The following STXBP6 variants were observed in gnomAD, a reference collection of about 807,000 sequenced individuals.
STXBP6 encodes the protein syntaxin binding protein 6.
A neutral mutation model predicts 26.9 loss-of-function variants in STXBP6; 21 were observed. The ratio of observed to expected loss-of-function variants is 0.78; its 90% CI spans 0.55 to 1.12. The LOEUF is 1.12. STXBP6 is among the 50% of genes most tolerant of loss of function. STXBP6 has a pLI of 0.00. For missense variants in STXBP6, 232 were observed against 257.9 expected (o/e 0.90, Z 0.69); for synonymous variants, 97 against 92.6 (o/e 1.05, Z -0.27).
At chr14:24,995,349 G>A (rs751104765) in intron 1 of STXBP6, among the ~76,000 whole-genome samples, 6 of 152,124 alleles carry the variant, frequency 3.9e-5, no homozygotes, top group Non-Finnish European at 7.3e-5. Flanking sequence ...ACGAATTTTG[G>A]GGGCATATTC....
At chr14:24,938,175 C>T (rs2072670672) in intron 2 of STXBP6, among the ~76,000 whole-genome samples, 1 of 152,160 alleles carries the variant, frequency 6.6e-6, no homozygotes, top group African/African-American at 2.4e-5. Context: ...TGGGCCCTGG[C>T]ACTCCCACCA....
At chr14:24,928,459 T>A (rs2072262686) in intron 2 of STXBP6, among the ~76,000 whole-genome samples, 1 of 152,176 alleles carries the variant, frequency 6.6e-6, no homozygotes, top group Non-Finnish European at 1.5e-5. Context: ...ATTTAGAATT[T>A]TAATAGTGTC....
chr14:24,998,709 T>A (rs2074671502), intron 1 of STXBP6, among the ~76,000 whole-genome samples: 1 of 152,338 alleles, frequency 6.6e-6, no homozygotes, highest in Middle Eastern at 3.4e-3. Context: ...ACTGAAGATG[T>A]AAGTGTTACT....
At chr14:24,882,969 A>G (rs2035930452) in intron 2 of STXBP6, among the ~76,000 whole-genome samples, 1 of 152,232 alleles carries the variant, frequency 6.6e-6, no homozygotes, top group African/African-American at 2.4e-5. Context: ...TTAGGTCATG[A>G]CATTGTTTAT....
At position 24,933,747 on chromosome 14, in the gene STXBP6, T is replaced by C. The variant is rs531029496; in HGVS notation, c.154+40918A>G. ...GAATATTATAGAACACACGCTCCTATAAAAATGCTTTATAGATTTAGCAGT... is the reference window on the plus strand; with the variant it reads ...GAATATTATAGAACACACGCTCCTACAAAAATGCTTTATAGATTTAGCAGT... On this transcript the variant is annotated intron_variant, in intron 2 of 5. Transcript: ENST00000323944. Among the ~76,000 whole-genome samples, 20 of 152,278 alleles carry C rather than the reference T, an allele frequency of 1.3e-4. No homozygotes were observed. The South Asian group carries it at 4.1e-3, about 32-fold the overall frequency.
intron 5 of STXBP6, chr14:24,818,065 T>C: frequency 2.2e-6 from 1 of 456,680 alleles, no homozygotes; most frequent in South Asian, 1.5e-5. Context: ...TCAGCAGAAG[T>C]GGTGTTTCTG....
chr14:24,988,349 A>G (rs2074384762), intron 1 of STXBP6, among the ~76,000 whole-genome samples: 1 of 152,190 alleles, frequency 6.6e-6, no homozygotes, highest in South Asian at 2.1e-4. Flanking sequence ...TTTCAGATAT[A>G]TTCAAAGAAA....
chr14:24,886,557 C>A (rs929364123), intron 2 of STXBP6, among the ~76,000 whole-genome samples: 1 of 135,670 alleles, frequency 7.4e-6, no homozygotes, highest in African/African-American at 2.5e-5. Context: ...ATGACATGTT[C>A]TTGTTATTTT....
chr14:25,043,689 C>G (rs955484598), intron 1 of STXBP6, among the ~76,000 whole-genome samples: 3 of 152,198 alleles, frequency 2.0e-5, no homozygotes, highest in Non-Finnish European at 2.9e-5. Context: ...ATAATGGAAT[C>G]ATGTAAATAC....
chr14:24,959,433 A>C (rs114492522), intron 2 of STXBP6, among the ~76,000 whole-genome samples: 3 of 152,204 alleles, frequency 2.0e-5, no homozygotes, highest in African/African-American at 7.2e-5. Flanking sequence ...TCTCTCCTTC[A>C]GACCATTTCA....
At chr14:25,029,222 T>G (rs2140457994) in intron 1 of STXBP6, among the ~76,000 whole-genome samples, 1 of 152,224 alleles carries the variant, frequency 6.6e-6, no homozygotes, top group South Asian at 2.1e-4. Context: ...CAGGGAAATC[T>G]TACACGGAAG....
chr14:25,033,328 A>T (rs934387527), intron 1 of STXBP6, among the ~76,000 whole-genome samples: 3 of 152,124 alleles, frequency 2.0e-5, no homozygotes, highest in Non-Finnish European at 4.4e-5. Context: ...CCCTGGTCAG[A>T]CTATCATCAT....
intron 2 of STXBP6, among the ~76,000 whole-genome samples, chr14:24,918,719 T>C (rs1027139725): frequency 5.9e-5 from 9 of 152,060 alleles, no homozygotes; most frequent in African/African-American, 2.2e-4. Context: ...GTTTAACCAG[T>C]GGCTGGTACA....
chr14:24,826,236 T>C (rs1401820285), intron 4 of STXBP6, among the ~76,000 whole-genome samples: 1 of 152,194 alleles, frequency 6.6e-6, no homozygotes, highest in African/African-American at 2.4e-5. Flanking sequence ...ACCAGCTGTG[T>C]GACCTGAACA....
chr14:24,963,322 T>C (rs1307558751), intron 2 of STXBP6, among the ~76,000 whole-genome samples: 1 of 152,162 alleles, frequency 6.6e-6, no homozygotes, highest in Admixed American at 6.5e-5. Flanking sequence ...GATGAAAACT[T>C]GGATCTCAAG....
At chr14:24,971,135 G>A (rs1307022661) in intron 2 of STXBP6, among the ~76,000 whole-genome samples, 2 of 151,886 alleles carry the variant, frequency 1.3e-5, no homozygotes, top group Non-Finnish European at 2.9e-5. Flanking sequence ...CACCTTTTTC[G>A]GATACCTCCA....
intron 1 of STXBP6, among the ~76,000 whole-genome samples, chr14:25,009,162 C>T (rs1426190979): frequency 9.9e-5 from 15 of 152,098 alleles, no homozygotes; most frequent in Non-Finnish European, 4.4e-5. Flanking sequence ...ATTCAACTAT[C>T]GAACTGTATT....
intron 2 of STXBP6, among the ~76,000 whole-genome samples, chr14:24,883,484 T>C (rs966052833): frequency 2.6e-5 from 4 of 152,248 alleles, no homozygotes; most frequent in East Asian, 3.9e-4. Flanking sequence ...TGGTAAAAAA[T>C]TGTATCAAGG....
At chr14:24,883,347 G>C (rs1948295939) in intron 2 of STXBP6, among the ~76,000 whole-genome samples, 1 of 152,086 alleles carries the variant, frequency 6.6e-6, no homozygotes. Flanking sequence ...TGAATCCATA[G>C]TGATACATTA....
Sources: gnomAD v4.1 joint callset for allele counts (sites outside exome capture counted in the v4.1 genomes callset) on GRCh38, gnomAD v4.1.1 for gene constraint, MANE v1.5 for transcripts, NCBI Gene and HGNC (gene_info 2026-07-23, HGNC 2026-07-21) for gene names.